The following MDN1 variants were observed in gnomAD, a reference collection of about 807,000 sequenced individuals.
The protein encoded by MDN1 is midasin AAA ATPase 1, also known as midasin.
In MDN1, 266 loss-of-function variants were observed where a neutral mutation model predicts 669.2. The ratio of observed to expected loss-of-function variants is 0.40; its 90% CI spans 0.36 to 0.44. The LOEUF (loss-of-function observed/expected upper bound fraction) is 0.44, where lower values mean the gene tolerates loss of function less well. MDN1 is among the 20% of genes least tolerant of loss of function. The pLI is 1.00. For missense variants in MDN1, 5,940 were observed against 6,754.0 expected, an observed-to-expected ratio of 0.88 and a Z score of 4.22; for synonymous variants, 2,385 against 2,457.1, an observed-to-expected ratio of 0.97 and a Z score of 0.87.
At chr6:89,734,691 A>ACGAGAGAGAGAGAGAGAG (rs370691129) in intron 33 of MDN1, among the ~76,000 whole-genome samples, 5 of 112,994 alleles carry the variant, frequency 4.4e-5, no homozygotes, top group East Asian at 3.4e-4. Context: ...AAAAAAAAAC[A>ACGAGAGAGAGAGAGAGAG]AGAGAGAGAG....
At position 89,665,665 on chromosome 6, in the gene MDN1, C is replaced by T. The variant is rs115509924; in HGVS notation, c.14095-1037G>A. On this transcript the variant is annotated intron_variant, in intron 84 of 101. Coordinates refer to ENST00000369393, the MANE Select transcript of MDN1 (RefSeq NM_014611.3). ...GAGGTTGTGGCAAGCTGAGATCATA[C>T]TACTGCGCTCTAGCCTGGGTGACAG... Among the ~76,000 whole-genome samples, 447 of 140,032 alleles carry T rather than the reference C, an allele frequency of 3.2e-3. 1 individual carries two copies. The highest frequency in any genetic ancestry group is 0.011 in the African/African-American group (425 of 37,758). The allele number at this position is 140,032 out of a possible 152,430, so 91.9% of individuals were successfully genotyped here. A position where few individuals can be genotyped will look rare whatever the true frequency, so the allele number is the denominator to read the frequency against.
At chr6:89,692,375 G>C (rs1812427914) in intron 63 of MDN1, 68 bp downstream of exon 63, 1 of 1,414,260 alleles carries the variant, frequency 7.1e-7, no homozygotes, top group Non-Finnish European at 9.5e-7. Context: ...TGTCCTGCAG[G>C]CCGCCCTGCT....
chr6:89,696,464 G>A lies in MDN1; in HGVS notation c.9279C>T (p.Ser3093=). The change falls in exon 60 of 102, where the codon TCC becomes TCT. Residue 3093 remains serine (S), a synonymous_variant. Transcript: ENST00000369393. Reference sequence around the variant, plus strand: ...CCCACTCTCCTAGGGTCACGTGAGAGGAGGAAAGAATGGGGAGGCCACTCA... The same window carrying A: ...CCCACTCTCCTAGGGTCACGTGAGAAGAGGAAAGAATGGGGAGGCCACTCA... The part of the protein sequence containing the change: ...WDVSGLPILS[S]SHVTLGEWVE... 1.2e-6 allele frequency: 2 copies of A among 1,614,220 alleles called. No homozygotes were observed. Among genetic ancestry groups the A allele is most frequent in the Non-Finnish European group, 1.7e-6 (2 of 1,180,024 alleles).
At chr6:89,732,981 A>C (rs546233549) in intron 33 of MDN1, among the ~76,000 whole-genome samples, 463 of 152,310 alleles carry the variant, frequency 3.0e-3, no homozygotes, top group Non-Finnish European at 5.3e-3. Context: ...ATAGCAGTCC[A>C]TCCCTATCCA....
intron 1 of MDN1, chr6:89,815,132 G>A: frequency 2.6e-6 from 1 of 390,418 alleles, no homozygotes; most frequent in Admixed American, 3.6e-5. Context: ...TGACCACTCA[G>A]CTACAGACCC....
intron 59 of MDN1, among the ~76,000 whole-genome samples, chr6:89,698,481 T>C (rs1812923664): frequency 6.6e-6 from 1 of 151,760 alleles, no homozygotes; most frequent in African/African-American, 2.4e-5. Flanking sequence ...ATATGTGTAC[T>C]TAATTCTTGT....
rs1814196880 is a variant in MDN1 at position 89,714,591 on chromosome 6, A to G, written c.7021T>C (p.Cys2341Arg). The part of the protein sequence containing the change: ...HSLGLVGNSV[C>R]DILLALHTET... ...GTGTGTAAAGCCAAGAGGATGTCAC[A>G]TACACTGTTCCCCACCAATCCAAGG... Residue 2341 changes from cysteine to arginine, a missense_variant, in exon 46 of 102, where the codon TGT (cysteine) becomes CGT (arginine). Around this residue, in one of 5 missense-constraint regions of MDN1, gnomAD observed 2,292 missense variants for 2,638.3 expected, o/e 0.87. Transcript: ENST00000369393. 1.9e-6 allele frequency: 3 copies of G among 1,614,106 alleles called. No homozygotes were observed. The South Asian group carries it at 3.3e-5, about 18-fold the overall frequency.
chr6:89,749,911 A>C (rs1816859358), intron 24 of MDN1, among the ~76,000 whole-genome samples, 160 bp from the exon 25 acceptor site: 1 of 152,240 alleles, frequency 6.6e-6, no homozygotes, highest in Non-Finnish European at 1.5e-5. Context: ...ACTGCAGATC[A>C]AGGAGGAACA....
At chr6:89,716,554 T>C (rs1042458739) in intron 44 of MDN1, 96 bp downstream of exon 44, 7 of 1,377,890 alleles carry the variant, frequency 5.1e-6, no homozygotes, top group Non-Finnish European at 6.9e-6. Flanking sequence ...AGAAAAACAG[T>C]AGCTTCAAAA....
At chr6:89,648,217 G>A in intron 98 of MDN1, 39 bp downstream of exon 98, 1 of 1,608,506 alleles carries the variant, frequency 6.2e-7, no homozygotes, top group South Asian at 1.1e-5. Context: ...CAAACAGGTT[G>A]TGAAAAGTTT....
chr6:89,689,751 C>T, intron 65 of MDN1, 119 bp downstream of exon 65: 1 of 1,232,498 alleles, frequency 8.1e-7, no homozygotes, highest in South Asian at 1.6e-5. Context: ...CAAGGAAACT[C>T]CAATAAGGAA....
At chr6:89,774,067 C>A (rs1027456244) in intron 13 of MDN1, among the ~76,000 whole-genome samples, 1 of 152,054 alleles carries the variant, frequency 6.6e-6, no homozygotes, top group Non-Finnish European at 1.5e-5. Flanking sequence ...ATGGCCCTGT[C>A]GAAACCTTGA....
chr6:89,691,640 A>C (rs1477600491), intron 63 of MDN1, among the ~76,000 whole-genome samples: 1 of 152,248 alleles, frequency 6.6e-6, no homozygotes, highest in Admixed American at 6.5e-5. Context: ...AACATACAAT[A>C]GAATACTTGG....
intron 40 of MDN1, among the ~76,000 whole-genome samples, chr6:89,722,650 T>C (rs1814914890): frequency 6.6e-6 from 1 of 152,048 alleles, no homozygotes; most frequent in Non-Finnish European, 1.5e-5. Flanking sequence ...GGAGTAGAGA[T>C]CTGCCTGACC....
In MDN1 at chr6:89,819,656, G is replaced by A. The variant is rs555903759; in HGVS notation, c.-49C>T. ...GGCCACCTGCGCTCCCTACTTCGCG[G>A]CCAGCGTCCCCAAGCCGCCGAGGTC... On this transcript the variant is annotated 5_prime_UTR_variant, in exon 1 of 102. Transcript: ENST00000369393. 6.2e-5 allele frequency: 95 copies of A among 1,529,880 alleles called. 2 individuals are homozygous for A. In the South Asian group the frequency reaches 9.5e-4, roughly 15 times the overall value. The allele number at this position is 1,529,880 out of a possible 1,614,324, so 94.8% of individuals were successfully genotyped here.
rs766108503 is a variant in MDN1 at position 89,662,133 on chromosome 6, TCAG to T, written c.14516_14518del (p.Ala4839del). 1 of 1,613,976 alleles carries T rather than the reference TCAG, an allele frequency of 6.2e-7. No individual in the cohort carries two copies. Among genetic ancestry groups the T allele is most frequent in the South Asian group, 1.1e-5 (1 of 91,020 alleles). On this transcript the variant is annotated inframe_deletion, in exon 87 of 102. Coordinates refer to ENST00000369393, the MANE Select transcript of MDN1 (RefSeq NM_014611.3). ...TTTGTCTTCACCTTGTCCACCATCA[TCAG>T]CTTCTGCTTCTTCCTTTTCTTCCTT... is the stretch of plus-strand genomic sequence containing the variant.
chr6:89,679,230 T>C (rs1289193663), intron 74 of MDN1, among the ~76,000 whole-genome samples: 5 of 152,190 alleles, frequency 3.3e-5, no homozygotes, highest in African/African-American at 9.7e-5. Flanking sequence ...TTTTACAGAC[T>C]TCAAGAAAGG....
At chr6:89,735,829 T>G (rs71556339) in intron 33 of MDN1, among the ~76,000 whole-genome samples, 5 of 152,114 alleles carry the variant, frequency 3.3e-5, no homozygotes, top group South Asian at 2.1e-4. Flanking sequence ...AGACCATCCT[T>G]GCCAACATGG....
In MDN1 at chr6:89,689,722, CAGCTTCAGTTCTTTAAGCCA is replaced by C. The variant is rs1812251155; in HGVS notation, c.11023+128_11023+147del. 5.3e-6 allele frequency: 5 copies of C among 948,974 alleles called. No homozygotes were observed. The African/African-American group carries it at 6.7e-5, about 13-fold the overall frequency. The allele number at this position is 948,974 out of a possible 1,614,324, so 58.8% of individuals were successfully genotyped here. The stretch of plus-strand genomic sequence containing the variant: ...GAATCCTAAATCAATTTTCTTGAAT[CAGCTTCAGTTCTTTAAGCCA>C]AGGAAACTCCAATAAGGAATTATGC... On this transcript the variant is annotated intron_variant, in intron 65 of 101. Transcript: ENST00000369393.
Sources: gnomAD v4.1 joint callset for allele counts (sites outside exome capture counted in the v4.1 genomes callset) on GRCh38, gnomAD v4.1.1 for gene constraint, gnomAD v4.1.1 regional missense constraint, MANE v1.5 for transcripts, NCBI Gene and HGNC (gene_info 2026-07-23, HGNC 2026-07-21) for gene names.